ARPC1B: variants seen among roughly 807,000 people sequenced by gnomAD.
ARPC1B encodes the protein actin related protein 2/3 complex subunit 1B, also known as actin-related protein 2/3 complex subunit 1B.
A neutral mutation model predicts 46.0 loss-of-function variants in ARPC1B; 29 were observed. That is an observed-to-expected ratio of 0.63 (90% CI 0.47 to 0.86). The LOEUF (loss-of-function observed/expected upper bound fraction) is 0.86. Among genes scored for constraint, ARPC1B ranks in the 40% least tolerant of loss-of-function variants. The pLI is 0.00. For missense variants in ARPC1B, 469 were observed against 529.4 expected, an observed-to-expected ratio of 0.89 and a Z score of 1.12; for synonymous variants, 201 against 213.9, an observed-to-expected ratio of 0.94 and a Z score of 0.53.
chr7:99,385,729 C>G lies in ARPC1B; in HGVS notation c.15C>G (p.Ser5Arg). Residue 5 changes from serine to arginine, a missense_variant, in exon 2 of 10, where the codon AGC (serine) becomes AGG (arginine). Ser to Arg is a moderately radical substitution (Grantham distance 110). Coordinates refer to ENST00000646101, the MANE Select transcript of ARPC1B (RefSeq NM_005720.4). Reference sequence around the variant, plus strand: ...GCCAAGCCGCCATGGCCTACCACAGCTTCCTGGTGGAGCCCATCAGCTGCC... The same window carrying G: ...GCCAAGCCGCCATGGCCTACCACAGGTTCCTGGTGGAGCCCATCAGCTGCC... MAYH[S>R]FLVEPISCHA... The G allele has an allele frequency of 6.2e-7, 1 of 1,611,120 alleles. No individual in the cohort carries two copies. Among genetic ancestry groups the G allele is most frequent in the Non-Finnish European group, 8.5e-7 (1 of 1,179,472 alleles).
At chr7:99,393,880 C>A in intron 8 of ARPC1B, 149 bp from the exon 9 acceptor site, 1 of 736,474 alleles carries the variant, frequency 1.4e-6, no homozygotes, top group Non-Finnish European at 2.4e-6. Flanking sequence ...GTCCCCAAGG[C>A]AGAACTGACT....
chr7:99,380,478 G>A (rs1562811138), intron 1 of ARPC1B, among the ~76,000 whole-genome samples: 3 of 152,200 alleles, frequency 2.0e-5, no homozygotes. Context: ...GCTAATTCAT[G>A]CTGAAGTGTG....
rs11556757 is a variant in ARPC1B, at chr7:99,388,120, G to T, written c.251G>T (p.Arg84Leu). 6.2e-7 allele frequency: 1 copy of T among 1,614,056 alleles called. No homozygotes were observed. Among genetic ancestry groups the T allele is most frequent in the African/African-American group, 1.3e-5 (1 of 74,926 alleles). Residue 84 changes from arginine to leucine, a missense_variant, in exon 4 of 10, where the codon CGC becomes CTC. Transcript: ENST00000646101. ...GCCTACGTGTGGACGCTGAAGGGCC[G>T]CACATGGAAGCCCACGCTGGTCATC... is the stretch of plus-strand genomic sequence containing the variant. ...RNAYVWTLKG[R>L]TWKPTLVILR...
At position 99,391,182 on chromosome 7, in the gene ARPC1B, G is replaced by A. The variant is rs147238850; in HGVS notation, c.712G>A (p.Ala238Thr). 301 of 1,613,878 alleles carry A rather than the reference G, an allele frequency of 1.9e-4. 1 individual carries two copies. Among genetic ancestry groups the A allele is most frequent in the Middle Eastern group, 4.9e-4 (3 of 6,084 alleles). The change falls in exon 7 of 10, where the codon GCG becomes ACG. Residue 238 changes from alanine to threonine, a missense_variant. Transcript: ENST00000646101. ...LADADKKMAV[A>T]TLASETLPLL... ...CTCACAGCTCTCTCCCCTCAGCGTCGCGACTCTGGCCTCTGAAACACTACC... is the reference window on the plus strand; with the variant it reads ...CTCACAGCTCTCTCCCCTCAGCGTCACGACTCTGGCCTCTGAAACACTACC...
At chr7:99,394,326 A>G (rs2150900118) in intron 9 of ARPC1B, 125 bp from the exon 10 acceptor site, 1 of 1,093,684 alleles carries the variant, frequency 9.1e-7, no homozygotes, top group African/African-American at 1.5e-5. Flanking sequence ...CCCAGCTGAC[A>G]GACTCCAAAA....
rs994473004 is a variant in ARPC1B at position 99,385,778 on chromosome 7, C to T, written c.64C>T (p.Gln22Ter). The T allele has an allele frequency of 2.5e-6, 4 of 1,608,506 alleles. No individual in the cohort carries two copies. The highest frequency in any genetic ancestry group is 3.4e-6 in the Non-Finnish European group (4 of 1,178,626). ...SCHAWNKDRT[Q>*]IAICPNNHEV... is the part of the protein sequence containing the mutation. ...CCACGCCTGGAACAAGGACCGCACCCGTGAGTGCTTGCTGGGGGCCGGTGG... is the reference window on the plus strand; with the variant it reads ...CCACGCCTGGAACAAGGACCGCACCTGTGAGTGCTTGCTGGGGGCCGGTGG... The change falls in exon 2 of 10, where the codon CAG becomes TAG. Residue 22 changes from glutamine to a stop codon, truncating the protein, a stop_gained and splice_region_variant. Transcript: ENST00000646101. LOFTEE classifies it high-confidence loss of function.
intron 1 of ARPC1B, 102 bp from the exon 2 acceptor site, chr7:99,385,600 C>A: frequency 9.8e-7 from 1 of 1,024,858 alleles, no homozygotes; most frequent in Non-Finnish European, 1.5e-6. Context: ...TGAGGGGCCT[C>A]CCTGGTGTGA....
At chr7:99,381,870 G>A (rs541977233) in intron 1 of ARPC1B, among the ~76,000 whole-genome samples, 1 of 152,326 alleles carries the variant, frequency 6.6e-6, no homozygotes, top group African/African-American at 2.4e-5. Context: ...CCTGGGCAGG[G>A]CAGTGACGGG....
At position 99,383,601 on chromosome 7, in the gene ARPC1B, G is replaced by A. The variant is rs143096963; in HGVS notation, c.-13-2101G>A. The stretch of plus-strand genomic sequence containing the variant: ...CGGAAATAGGGAATTACGAAGTGCC[G>A]GACCGTGGAAGGTGCTGCAGTTTCC... On this transcript the variant is annotated intron_variant, in intron 1 of 9. Coordinates refer to ENST00000646101, the MANE Select transcript of ARPC1B (RefSeq NM_005720.4). 3.4e-3 allele frequency among the ~76,000 whole-genome samples: 514 copies of A among 152,278 alleles called. 3 individuals are homozygous for A. The highest frequency in any genetic ancestry group is 9.9e-3 in the African/African-American group (411 of 41,548).
chr7:99,389,335 T>C, intron 4 of ARPC1B: 1 of 153,504 alleles, frequency 6.5e-6, no homozygotes, highest in Non-Finnish European at 1.5e-5. Context: ...TGAGCTCAAG[T>C]AATCCTACCA....
rs1794397482 is a variant in ARPC1B, at chr7:99,386,585, T to C, written c.65-100T>C. On this transcript the variant is annotated intron_variant, in intron 2 of 9. Coordinates refer to ENST00000646101, the MANE Select transcript of ARPC1B (RefSeq NM_005720.4). ...AGGCAGAAGAGGAGAGACTGAGTCA[T>C]GAAAGGTGAGGTGTTGTTGCCTAGG... is the stretch of plus-strand genomic sequence containing the variant. The C allele has an allele frequency of 1.6e-5, 15 of 957,486 alleles. No individual in the cohort carries two copies. The East Asian group carries it at 3.6e-4, about 23-fold the overall frequency. 59.3% of individuals were successfully genotyped at this position (957,486 alleles called of 1,614,324 possible).
At chr7:99,382,607 T>C (rs1302852946) in intron 1 of ARPC1B, among the ~76,000 whole-genome samples, 2 of 151,838 alleles carry the variant, frequency 1.3e-5, no homozygotes, top group Non-Finnish European at 2.9e-5. Context: ...TACCTAAGAA[T>C]ACAGATGTGC....
intron 2 of ARPC1B, 139 bp downstream of exon 2, chr7:99,385,917 G>C: frequency 1.2e-6 from 1 of 860,774 alleles, no homozygotes; most frequent in Non-Finnish European, 1.8e-6. Context: ...CCTCACCCCT[G>C]GGTCTTCCAG....
intron 1 of ARPC1B, among the ~76,000 whole-genome samples, chr7:99,376,153 G>A (rs1233564027): frequency 6.6e-6 from 1 of 151,760 alleles, no homozygotes; most frequent in Non-Finnish European, 1.5e-5. Flanking sequence ...CCTTGGCAGT[G>A]AGCCAAGACT....
chr7:99,391,211 G>A lies in ARPC1B; in HGVS notation c.741G>A (p.Leu247=), dbSNP rs2150896462. 3.7e-6 allele frequency: 6 copies of A among 1,614,006 alleles called. No homozygotes were observed. The highest frequency in any genetic ancestry group is 1.7e-4 in the Middle Eastern group (1 of 6,060). The part of the protein sequence containing the change: ...VATLASETLP[L]LALTFITDNS... ...CTCTGGCCTCTGAAACACTACCACT[G>A]CTGGCGCTGACCTTCATCACAGACA... is the stretch of plus-strand genomic sequence containing the variant. The change falls in exon 7 of 10, where the codon CTG becomes CTA. Residue 247 remains leucine (L), a synonymous_variant. Transcript: ENST00000646101.
intron 7 of ARPC1B, among the ~76,000 whole-genome samples, chr7:99,391,504 C>T (rs572396523): frequency 1.8e-3 from 269 of 151,474 alleles, no homozygotes; most frequent in Middle Eastern, 0.01. Context: ...CAGCACTTTG[C>T]GAGGTTGAGG....
chr7:99,387,975 C>A, intron 3 of ARPC1B, 64 bp from the exon 4 acceptor site: 2 of 1,112,960 alleles, frequency 1.8e-6, no homozygotes, highest in East Asian at 2.4e-5. Context: ...TCCCATGTGG[C>A]CACCATACAG....
At chr7:99,393,298 C>A (rs1794640944) in intron 8 of ARPC1B, among the ~76,000 whole-genome samples, 1 of 152,148 alleles carries the variant, frequency 6.6e-6, no homozygotes, top group South Asian at 2.1e-4. Flanking sequence ...AAGACGGGGT[C>A]GACCTCTTTA....
chr7:99,385,421 A>G (rs969453217), intron 1 of ARPC1B, among the ~76,000 whole-genome samples: 1 of 151,892 alleles, frequency 6.6e-6, no homozygotes, highest in Non-Finnish European at 1.5e-5. Context: ...TCTCCCCTGT[A>G]GTACCGTCTC....
Sources: gnomAD v4.1 joint callset for allele counts (sites outside exome capture counted in the v4.1 genomes callset) on GRCh38, gnomAD v4.1.1 for gene constraint, MANE v1.5 for transcripts, NCBI Gene and HGNC (gene_info 2026-07-23, HGNC 2026-07-21) for gene names.